The following RICTOR variants were observed in gnomAD, a reference collection of about 807,000 sequenced individuals.
The protein encoded by RICTOR is RPTOR independent companion of MTOR complex 2, also known as rapamycin-insensitive companion of mTOR.
A neutral mutation model predicts 214.9 loss-of-function variants in RICTOR; 49 were observed. The ratio of observed to expected loss-of-function variants is 0.23; its 90% CI spans 0.18 to 0.29. The LOEUF (loss-of-function observed/expected upper bound fraction) is 0.29, where lower values mean the gene tolerates loss of function less well. Ranked by LOEUF, RICTOR falls within the 10% of genes least tolerant of loss-of-function variation. The probability of loss-of-function intolerance (pLI) is 1.00; values close to 1 mark genes in which losing one functional copy is unlikely to be tolerated. For missense variants in RICTOR, 1,625 were observed against 2,047.0 expected, an observed-to-expected ratio of 0.79 and a Z score of 3.98; for synonymous variants, 717 against 711.3, an observed-to-expected ratio of 1.01 and a Z score of -0.13.
chr5:39,021,112 A>C lies in RICTOR; in HGVS notation c.122T>G (p.Ile41Ser), dbSNP rs1755390204. The C allele has an allele frequency of 6.3e-7, 1 of 1,593,402 alleles. No individual in the cohort carries two copies. Among genetic ancestry groups the C allele is most frequent in the Non-Finnish European group, 8.6e-7 (1 of 1,161,272 alleles). The change falls in exon 3 of 38, where the codon ATT becomes AGT. Residue 41 changes from isoleucine (I) to serine (S), a missense_variant. By Grantham distance (142) the Ile-to-Ser change is moderately radical (BLOSUM62 -2). Transcript: ENST00000357387. ...TREPSDNLRE[I>S]LQNVARLQGV... ...CTGCAATCTGGCCACATTTTGGAGA[A>C]TCTCTCTTAAGTTATCAGAAGGTTC...
intron 8 of RICTOR, among the ~76,000 whole-genome samples, chr5:38,978,951 AC>A (rs928152336): frequency 9.2e-5 from 14 of 152,300 alleles, no homozygotes; most frequent in African/African-American, 3.4e-4. Flanking sequence ...GCTCTATTAT[AC>A]CTTTGTAGTC....
intron 2 of RICTOR, among the ~76,000 whole-genome samples, chr5:39,067,548 A>G (rs986841767): frequency 6.6e-6 from 1 of 152,088 alleles, no homozygotes; most frequent in African/African-American, 2.4e-5. Context: ...CTACCCTATG[A>G]TATACACCCT....
chr5:39,062,729 T>G (rs1268782039), intron 2 of RICTOR, among the ~76,000 whole-genome samples: 2 of 152,106 alleles, frequency 1.3e-5, no homozygotes, highest in Non-Finnish European at 2.9e-5. Context: ...TGTCTCTTCA[T>G]TCTCTATTCA....
chr5:39,070,418 G>A (rs931860141), intron 2 of RICTOR, among the ~76,000 whole-genome samples: 4 of 152,032 alleles, frequency 2.6e-5, no homozygotes, highest in South Asian at 2.1e-4. Context: ...GCAGTGAGCC[G>A]AGATTGCGCC....
intron 7 of RICTOR, among the ~76,000 whole-genome samples, chr5:38,990,702 CAGATA>C (rs772456381): frequency 9.7e-6 from 1 of 103,382 alleles, no homozygotes; most frequent in Non-Finnish European, 1.9e-5. Flanking sequence ...TGATATATAT[CAGATA>C]TGATATATAT....
At chr5:38,944,256 A>T in intron 36 of RICTOR, 190 bp downstream of exon 36, 1 of 664,324 alleles carries the variant, frequency 1.5e-6, no homozygotes, top group East Asian at 3.0e-5. Context: ...ACTTGCTTCT[A>T]CATTCAATCT....
intron 2 of RICTOR, among the ~76,000 whole-genome samples, chr5:39,037,489 G>C (rs1385767602): frequency 1.3e-5 from 2 of 152,044 alleles, no homozygotes; most frequent in African/African-American, 4.8e-5. Flanking sequence ...GAAGGAAATA[G>C]AGACACAAAA....
In RICTOR at chr5:39,021,098, C is replaced by A. The variant is rs1246966013; in HGVS notation, c.136G>T (p.Ala46Ser). The change falls in exon 3 of 38, where the codon GCC becomes TCC. Residue 46 changes from alanine (A) to serine (S), a missense_variant. Transcript: ENST00000357387. ...ATATTTGATACTCCCTGCAATCTGGCCACATTTTGGAGAATCTCTCTTAAG... is the reference window on the plus strand; with the variant it reads ...ATATTTGATACTCCCTGCAATCTGGACACATTTTGGAGAATCTCTCTTAAG... ...DNLREILQNV[A>S]RLQGVSNMRK... 1 of 1,602,152 alleles carries A rather than the reference C, an allele frequency of 6.2e-7. No individual in the cohort carries two copies. The highest frequency in any genetic ancestry group is 8.6e-7 in the Non-Finnish European group (1 of 1,169,266).
intron 2 of RICTOR, among the ~76,000 whole-genome samples, chr5:39,030,396 A>G (rs1000821509): frequency 1.3e-5 from 2 of 152,140 alleles, no homozygotes; most frequent in Non-Finnish European, 2.9e-5. Flanking sequence ...TTCTCAGAAT[A>G]TATTCCCCAA....
intron 2 of RICTOR, among the ~76,000 whole-genome samples, chr5:39,037,941 A>G (rs982442064): frequency 1.3e-5 from 2 of 152,210 alleles, no homozygotes. Context: ...TCAATAGAAA[A>G]AGAGGGAATC....
At chr5:38,961,355 A>G (rs1749778116) in intron 19 of RICTOR, among the ~76,000 whole-genome samples, 1 of 152,170 alleles carries the variant, frequency 6.6e-6, no homozygotes. Flanking sequence ...TCTATTGTTA[A>G]GATAATAATT....
intron 5 of RICTOR, among the ~76,000 whole-genome samples, chr5:39,002,173 A>C (rs1178672799): frequency 2.3e-5 from 1 of 43,048 alleles, no homozygotes; most frequent in Non-Finnish European, 7.0e-5. Flanking sequence ...ACACAGCAAA[A>C]AAAAAAAAAA....
chr5:38,942,710 C>T, intron 37 of RICTOR, 123 bp downstream of exon 37: 1 of 755,158 alleles, frequency 1.3e-6, no homozygotes, highest in South Asian at 1.7e-5. Context: ...CCCGCGCTGA[C>T]CCCACAAAGT....
chr5:38,959,162 T>A, intron 22 of RICTOR, 33 bp downstream of exon 22: 1 of 1,496,178 alleles, frequency 6.7e-7, no homozygotes, highest in Non-Finnish European at 9.0e-7. Flanking sequence ...TAATTGGTTA[T>A]AAATATAGTT....
At position 39,003,658 on chromosome 5, in the gene RICTOR, T is replaced by C. The variant is rs41271115; in HGVS notation, c.196-36A>G. The C allele has an allele frequency of 5.7e-3, 7,739 of 1,361,512 alleles. 36 individuals are homozygous for C. The highest frequency in any genetic ancestry group is 7.4e-3 in the Non-Finnish European group (7,086 of 957,760). The allele number at this position is 1,361,512 out of a possible 1,614,324, so 84.3% of individuals were successfully genotyped here. ...AACAAAATAAGTGTGCATTTATGTGTTGTATATTTTCACATATTTATATAC... is the reference window on the plus strand; with the variant it reads ...AACAAAATAAGTGTGCATTTATGTGCTGTATATTTTCACATATTTATATAC... On this transcript the variant is annotated intron_variant, in intron 3 of 37. Coordinates refer to ENST00000357387, the MANE Select transcript of RICTOR (RefSeq NM_152756.5).
chr5:38,962,803 G>T, intron 17 of RICTOR, 73 bp downstream of exon 17: 2 of 1,246,250 alleles, frequency 1.6e-6, no homozygotes, highest in Non-Finnish European at 2.3e-6. Flanking sequence ...TCAAATACAT[G>T]CATACTAAAA....
At chr5:39,005,534 C>T (rs1020590308) in intron 3 of RICTOR, among the ~76,000 whole-genome samples, 3 of 152,142 alleles carry the variant, frequency 2.0e-5, no homozygotes, top group Admixed American at 6.5e-5. Context: ...TTCTTCATTT[C>T]ACATCAATTT....
In RICTOR at chr5:38,944,563, T is replaced by C. The variant is rs1747960003; in HGVS notation, c.4796A>G (p.Lys1599Arg). The part of the protein sequence containing the change: ...TKSTELLLGV[K>R]TIPDDTPMCR... ...CATTGGTGTATCATCTGGAATTGTT[T>C]TAACACCTGAAAAGATTTCAGGGAG... The change falls in exon 36 of 38, where the codon AAA (lysine) becomes AGA (arginine). Residue 1599 changes from lysine to arginine, a missense_variant. Around this residue, in one of 5 missense-constraint regions of RICTOR, gnomAD observed 1,214 missense variants for 1,470.5 expected, o/e 0.83. Coordinates refer to ENST00000357387, the MANE Select transcript of RICTOR (RefSeq NM_152756.5). 1 of 1,595,022 alleles carries C rather than the reference T, an allele frequency of 6.3e-7. No homozygotes were observed. Among genetic ancestry groups the C allele is most frequent in the East Asian group, 2.2e-5 (1 of 44,718 alleles).
intron 20 of RICTOR, 137 bp downstream of exon 20, chr5:38,960,261 G>C (rs1261118490): frequency 5.7e-6 from 5 of 884,282 alleles, no homozygotes; most frequent in Non-Finnish European, 7.1e-6. Context: ...CTAGGTCTGG[G>C]ATCATTTCTT....
Sources: gnomAD v4.1 joint callset for allele counts (sites outside exome capture counted in the v4.1 genomes callset) on GRCh38, gnomAD v4.1.1 for gene constraint, gnomAD v4.1.1 regional missense constraint, MANE v1.5 for transcripts, NCBI Gene and HGNC (gene_info 2026-07-23, HGNC 2026-07-21) for gene names.